The following DAPK1 variants were observed in gnomAD, a reference collection of about 807,000 sequenced individuals.
DAPK1 encodes death associated protein kinase 1.
Under a neutral mutation model 144.9 loss-of-function variants are expected in DAPK1, and 56 were observed. That is an observed-to-expected ratio of 0.39 (90% CI 0.31 to 0.48). DAPK1 has a LOEUF of 0.48. Among genes scored for constraint, DAPK1 ranks in the 20% least tolerant of loss-of-function variants. The probability of loss-of-function intolerance (pLI) is 0.95; values close to 1 mark genes in which losing one functional copy is unlikely to be tolerated. For synonymous variants in DAPK1, 690 were observed against 749.0 expected (o/e 0.92, Z 1.29); for missense variants, 1,454 against 1,875.4 (o/e 0.78, Z 4.15).
At position 87,708,592 on chromosome 9, in the gene DAPK1, G is replaced by T. The variant is rs36220734; in HGVS notation, c.*1228G>T. 6.6e-3 allele frequency: 1,010 copies of T among 152,260 alleles called. 7 individuals are homozygous for T. The highest frequency in any genetic ancestry group is 9.6e-3 in the Non-Finnish European group (651 of 67,918). 9.4% of individuals were successfully genotyped at this position (152,260 alleles called of 1,614,324 possible). A position where few individuals can be genotyped will look rare whatever the true frequency, so the allele number is the denominator to read the frequency against. On this transcript the variant is annotated 3_prime_UTR_variant, in exon 26 of 26. Coordinates refer to ENST00000408954, the MANE Select transcript of DAPK1 (RefSeq NM_004938.4). Reference sequence around the variant, plus strand: ...ATAAAATGTCGTTAAAAAGTTGTTTGTTTTTTTCTTTTTTTATAAATAAAC... The same window carrying T: ...ATAAAATGTCGTTAAAAAGTTGTTTTTTTTTTTCTTTTTTTATAAATAAAC...
rs764088032 is a variant in DAPK1, at chr9:87,646,447, C to G, written c.1132-14C>G. 6.3e-7 allele frequency: 1 copy of G among 1,589,682 alleles called. No individual in the cohort carries two copies. The highest frequency in any genetic ancestry group is 2.2e-5 in the East Asian group (1 of 44,776). On this transcript the variant is annotated splice_polypyrimidine_tract_variant and intron_variant, in intron 12 of 25. Coordinates refer to ENST00000408954, the MANE Select transcript of DAPK1 (RefSeq NM_004938.4). The stretch of plus-strand genomic sequence containing the variant: ...AAACCTGAAAATTAGTAATTTTTTT[C>G]TTGCCTATTCTAGCACGGGACACCT...
At chr9:87,672,516 C>G (rs1824209676) in intron 19 of DAPK1, among the ~76,000 whole-genome samples, 2 of 152,134 alleles carry the variant, frequency 1.3e-5, no homozygotes, top group Non-Finnish European at 2.9e-5. Context: ...GCTGAGCCAC[C>G]TGCTTTGTAG....
At chr9:87,679,844 G>C (rs1824540815) in intron 19 of DAPK1, among the ~76,000 whole-genome samples, 1 of 152,136 alleles carries the variant, frequency 6.6e-6, no homozygotes, top group Admixed American at 6.5e-5. Flanking sequence ...TTGTACGTTG[G>C]AGTGCCCCTT....
At chr9:87,645,068 C>A (rs567155661) in intron 11 of DAPK1, among the ~76,000 whole-genome samples, 1 of 152,190 alleles carries the variant, frequency 6.6e-6, no homozygotes, top group Non-Finnish European at 1.5e-5. Context: ...CATTCTCCCC[C>A]ACAAGCAGAG....
At chr9:87,667,030 C>G (rs963808912) in intron 18 of DAPK1, among the ~76,000 whole-genome samples, 2 of 152,300 alleles carry the variant, frequency 1.3e-5, no homozygotes, top group Non-Finnish European at 1.5e-5. Context: ...ATACTGCTGA[C>G]AGCAGTGTCT....
At chr9:87,652,936 C>T (rs149819652) in intron 17 of DAPK1, among the ~76,000 whole-genome samples, 2,428 of 127,940 alleles carry the variant, frequency 0.019, 166 homozygotes, top group African/African-American at 0.067. Flanking sequence ...CACCTGAACC[C>T]GGGTCCTGAT....
chr9:87,621,208 T>C (rs1474695209), intron 3 of DAPK1, among the ~76,000 whole-genome samples: 1 of 152,144 alleles, frequency 6.6e-6, no homozygotes, highest in Non-Finnish European at 1.5e-5. Flanking sequence ...TTACTTTGAG[T>C]GCTGGGGTAA....
At chr9:87,525,623 T>A (rs1825478550) in intron 2 of DAPK1, 1 of 641,588 alleles carries the variant, frequency 1.6e-6, no homozygotes, top group South Asian at 1.9e-5. Context: ...AAAAAGAACC[T>A]GAGGCGGTTC....
In DAPK1 at chr9:87,708,567, A is replaced by G. The variant is rs1235241051; in HGVS notation, c.*1203A>G. ...TAATACTGGTATTTTTACTTAATCT[A>G]TAAAATGTCGTTAAAAAGTTGTTTG... is the stretch of plus-strand genomic sequence containing the variant. On this transcript the variant is annotated 3_prime_UTR_variant, in exon 26 of 26. Transcript: ENST00000408954. The G allele has an allele frequency of 6.6e-6, 1 of 152,594 alleles. No homozygotes were observed. The highest frequency in any genetic ancestry group is 2.4e-5 in the African/African-American group (1 of 41,440). 9.5% of individuals were successfully genotyped at this position (152,594 alleles called of 1,614,324 possible).
chr9:87,559,348 G>A (rs1296246715), intron 2 of DAPK1, among the ~76,000 whole-genome samples: 1 of 151,468 alleles, frequency 6.6e-6, no homozygotes, highest in African/African-American at 2.4e-5. Flanking sequence ...GTGTAGGGTA[G>A]GGTAGCATCT....
At chr9:87,701,670 C>T (rs924318270) in intron 24 of DAPK1, among the ~76,000 whole-genome samples, 3 of 151,182 alleles carry the variant, frequency 2.0e-5, no homozygotes, top group Middle Eastern at 3.5e-3. Flanking sequence ...AGGACAAATG[C>T]GGGCAGATGC....
intron 2 of DAPK1, among the ~76,000 whole-genome samples, chr9:87,540,166 A>G (rs1052146326): frequency 1.4e-5 from 2 of 145,840 alleles, no homozygotes; most frequent in South Asian, 4.4e-4. Context: ...TTTATTGCTA[A>G]TTATTGTTGT....
At chr9:87,546,323 GT>G (rs1826249689) in intron 2 of DAPK1, among the ~76,000 whole-genome samples, 2 of 152,148 alleles carry the variant, frequency 1.3e-5, no homozygotes, top group African/African-American at 2.4e-5. Context: ...AGCCTCTACT[GT>G]GGTTTCTGCA....
intron 14 of DAPK1, 103 bp downstream of exon 14, chr9:87,647,506 T>A (rs887058061): frequency 2.1e-6 from 2 of 958,646 alleles, no homozygotes; most frequent in Non-Finnish European, 3.3e-6. Flanking sequence ...AGGAAAGGAA[T>A]CAGGACCAGA....
rs1179367535 is a variant in DAPK1, at chr9:87,706,011, C to G, written c.3061-121C>G. The G allele has an allele frequency of 1.4e-6, 1 of 707,488 alleles. No homozygotes were observed. Among genetic ancestry groups the G allele is most frequent in the Non-Finnish European group, 2.5e-6 (1 of 407,640 alleles). 43.8% of individuals were successfully genotyped at this position (707,488 alleles called of 1,614,324 possible). ...GCATCCACGTGGAATGGCCTTGGGT[C>G]ACTCCTTAGAGCATCTGCTCAGCCT... On this transcript the variant is annotated intron_variant, in intron 25 of 25. Coordinates refer to ENST00000408954, the MANE Select transcript of DAPK1 (RefSeq NM_004938.4). The surrounding 1 kb of genome is among the most constrained non-coding windows in gnomAD (Gnocchi z 9.0).
chr9:87,665,625 G>C (rs1053854614), intron 18 of DAPK1, among the ~76,000 whole-genome samples: 7 of 152,194 alleles, frequency 4.6e-5, no homozygotes, highest in African/African-American at 1.4e-4. Flanking sequence ...CATTTCCCCA[G>C]ACGTCAATAA....
chr9:87,588,943 C>T (rs868340234), intron 2 of DAPK1, among the ~76,000 whole-genome samples: 1 of 151,748 alleles, frequency 6.6e-6, no homozygotes, highest in African/African-American at 2.4e-5. Context: ...GGCTGGAGTG[C>T]GGTGGTGCAA....
chr9:87,514,042 G>C (rs1050203301), intron 2 of DAPK1, among the ~76,000 whole-genome samples: 31 of 152,288 alleles, frequency 2.0e-4, no homozygotes, highest in African/African-American at 7.2e-4. Context: ...AATGTCTCCA[G>C]ACATTGCTAA....
intron 2 of DAPK1, among the ~76,000 whole-genome samples, chr9:87,590,381 A>AAAAG (rs1828085395): frequency 1.3e-5 from 2 of 149,686 alleles, no homozygotes; most frequent in Admixed American, 1.3e-4. Flanking sequence ...AAAAAAAAAA[A>AAAAG]AAAAGAAAAG....
Sources: gnomAD v4.1 joint callset for allele counts (sites outside exome capture counted in the v4.1 genomes callset) on GRCh38, gnomAD v4.1.1 for gene constraint, Gnocchi (gnomAD v3.1) non-coding constraint, MANE v1.5 for transcripts, NCBI Gene and HGNC (gene_info 2026-07-23, HGNC 2026-07-21) for gene names.